MICU1: variants seen among roughly 807,000 people sequenced by gnomAD.
The protein encoded by MICU1 is calcium uptake protein 1, mitochondrial.
A neutral mutation model predicts 56.8 loss-of-function variants in MICU1; 45 were observed. That is an observed-to-expected ratio of 0.79 (90% CI 0.62 to 1.02). The LOEUF (loss-of-function observed/expected upper bound fraction) is 1.02. Among genes scored for constraint, MICU1 ranks in the 50% least tolerant of loss-of-function variants. The pLI, the probability that MICU1 is intolerant of heterozygous loss-of-function variation, is 0.00. For missense variants in MICU1, 504 were observed against 587.1 expected, an observed-to-expected ratio of 0.86 and a Z score of 1.46; for synonymous variants, 186 against 195.1, an observed-to-expected ratio of 0.95 and a Z score of 0.39.
At chr10:72,470,867 G>C (rs1489386698) in intron 8 of MICU1, among the ~76,000 whole-genome samples, 1 of 152,178 alleles carries the variant, frequency 6.6e-6, no homozygotes, top group African/African-American at 2.4e-5. Flanking sequence ...ATGAGGAACT[G>C]CTGACTGGCA....
intron 1 of MICU1, among the ~76,000 whole-genome samples, chr10:72,579,186 T>G (rs895597680): frequency 1.2e-4 from 18 of 152,294 alleles, no homozygotes; most frequent in African/African-American, 4.3e-4. Flanking sequence ...TCTTAGTCTG[T>G]TCTGGCTGCT....
chr10:72,389,369 C>T (rs549169124), intron 10 of MICU1, among the ~76,000 whole-genome samples: 1 of 152,286 alleles, frequency 6.6e-6, no homozygotes, highest in Admixed American at 6.5e-5. Context: ...CCTTGTCCCT[C>T]CAGAGACAAA....
At chr10:72,461,192 A>T (rs1043320000) in intron 8 of MICU1, among the ~76,000 whole-genome samples, 4 of 152,112 alleles carry the variant, frequency 2.6e-5, no homozygotes, top group African/African-American at 9.7e-5. Context: ...GCATCAGAAA[A>T]CCTAGACGAT....
intron 6 of MICU1, among the ~76,000 whole-genome samples, chr10:72,496,637 T>A (rs908969103): frequency 1.3e-5 from 2 of 152,166 alleles, no homozygotes; most frequent in Non-Finnish European, 2.9e-5. Flanking sequence ...GGTTTCACCA[T>A]GTTAGCCAGG....
In MICU1 at chr10:72,375,866, A is replaced by G. The variant is rs1862501885; in HGVS notation, c.1187T>C (p.Met396Thr). Residue 396 changes from methionine to threonine, a missense_variant, in exon 11 of 12, where the codon ATG (methionine) becomes ACG (threonine). Transcript: ENST00000361114. ...AGCCACTGTCCTGGCCACCTGCTGC[A>G]TGGTCACTGAAAAAAGAAAGAGGTG... is the stretch of plus-strand genomic sequence containing the variant. ...MAGASLDKVT[M>T]QQVARTVAKV... 4 of 1,603,236 alleles carry G rather than the reference A, an allele frequency of 2.5e-6. No homozygotes were observed. Among genetic ancestry groups the G allele is most frequent in the Non-Finnish European group, 3.4e-6 (4 of 1,173,652 alleles).
At chr10:72,405,348 T>G (rs1863592693) in intron 10 of MICU1, among the ~76,000 whole-genome samples, 1 of 152,052 alleles carries the variant, frequency 6.6e-6, no homozygotes, top group Non-Finnish European at 1.5e-5. Context: ...GCCTCCTGAG[T>G]AGCTGGGATT....
chr10:72,581,409 A>C (rs891233279), intron 1 of MICU1, among the ~76,000 whole-genome samples: 1 of 152,190 alleles, frequency 6.6e-6, no homozygotes, highest in African/African-American at 2.4e-5. Context: ...GCAGGCGATC[A>C]CTTGAGGTCA....
At chr10:72,376,413 C>T (rs560470438) in intron 10 of MICU1, among the ~76,000 whole-genome samples, 9 of 152,082 alleles carry the variant, frequency 5.9e-5, no homozygotes, top group East Asian at 1.9e-4. Flanking sequence ...TGGCCAGGCG[C>T]GGTGGCTCAT....
In MICU1 at chr10:72,416,469, T is replaced by C. The variant is rs190032144; in HGVS notation, c.1071+6765A>G. 3.3e-5 allele frequency among the ~76,000 whole-genome samples: 5 copies of C among 152,312 alleles called. No individual in the cohort carries two copies. The East Asian group carries it at 9.6e-4, about 29-fold the overall frequency. ...AATCTGATATTCCACAAATGACTAA[T>C]GTGGTTCAAATATCTGAGAATAAGT... On this transcript the variant is annotated intron_variant, in intron 9 of 11. Coordinates refer to ENST00000361114, the MANE Select transcript of MICU1 (RefSeq NM_001195518.2).
At chr10:72,391,880 G>A (rs1863084802) in intron 10 of MICU1, 3 of 152,084 alleles carry the variant, frequency 2.0e-5, no homozygotes. Flanking sequence ...TAAGTTTTTG[G>A]GGAGTCTAAA....
chr10:72,521,412 C>A (rs1278107948), intron 5 of MICU1, among the ~76,000 whole-genome samples: 1 of 152,098 alleles, frequency 6.6e-6, no homozygotes, highest in Non-Finnish European at 1.5e-5. Flanking sequence ...AAGCATTATA[C>A]TTCGCATATT....
chr10:72,540,505 T>C (rs914944473), intron 4 of MICU1, among the ~76,000 whole-genome samples: 11 of 151,740 alleles, frequency 7.2e-5, no homozygotes, highest in Admixed American at 3.3e-4. Context: ...GAGACACTTG[T>C]CTCTACAAAA....
At chr10:72,566,990 T>C (rs763835974) in intron 1 of MICU1, among the ~76,000 whole-genome samples, 196 bp from the exon 2 acceptor site, 16 of 152,154 alleles carry the variant, frequency 1.1e-4, no homozygotes, top group Admixed American at 3.9e-4. Flanking sequence ...AAAACTGATA[T>C]ATTAGTCAAA....
intron 8 of MICU1, among the ~76,000 whole-genome samples, chr10:72,442,107 A>T (rs769515792): frequency 3.5e-4 from 54 of 152,164 alleles, no homozygotes; most frequent in Non-Finnish European, 5.9e-4. Context: ...CAAATTAGTC[A>T]TCAGCTCCCT....
At chr10:72,562,840 C>T (rs531667116) in intron 3 of MICU1, 55 bp downstream of exon 3, 2 of 1,355,016 alleles carry the variant, frequency 1.5e-6, no homozygotes, top group East Asian at 2.5e-5. Flanking sequence ...GATTGAACTG[C>T]ATTATTCTAC....
At chr10:72,396,587 T>G (rs1047862330) in intron 10 of MICU1, among the ~76,000 whole-genome samples, 2 of 152,128 alleles carry the variant, frequency 1.3e-5, no homozygotes, top group Admixed American at 6.5e-5. Flanking sequence ...GAGAAGACCT[T>G]AAATAACCTG....
intron 1 of MICU1, among the ~76,000 whole-genome samples, chr10:72,581,915 T>C (rs1320410037): frequency 6.6e-6 from 1 of 152,172 alleles, no homozygotes; most frequent in Non-Finnish European, 1.5e-5. Flanking sequence ...AAGGTCATCC[T>C]GAGTGTTTTT....
At chr10:72,441,864 C>A (rs1864946957) in intron 8 of MICU1, among the ~76,000 whole-genome samples, 1 of 151,950 alleles carries the variant, frequency 6.6e-6, no homozygotes, top group South Asian at 2.1e-4. Flanking sequence ...GTGATCCGCC[C>A]ACCCTGGCCT....
At chr10:72,547,348 A>C (rs1224305363) in intron 4 of MICU1, among the ~76,000 whole-genome samples, 1 of 151,996 alleles carries the variant, frequency 6.6e-6, no homozygotes, top group Non-Finnish European at 1.5e-5. Context: ...CAATGCTCTA[A>C]ATTAAAAGCT....
Sources: allele counts gnomAD v4.1 joint callset (sites outside exome capture counted in the v4.1 genomes callset), GRCh38; gene constraint gnomAD v4.1.1; transcripts MANE v1.5; gene names NCBI Gene and HGNC (gene_info 2026-07-23, HGNC 2026-07-21).